Variants in TMEM156 observed in about 807,000 individuals in gnomAD.
TMEM156 encodes the protein transmembrane protein 156.
In TMEM156, 28 loss-of-function variants were observed where a neutral mutation model predicts 30.5. That is an observed-to-expected ratio of 0.92 (90% CI 0.68 to 1.26). TMEM156 has a LOEUF of 1.26. TMEM156 is among the 50% of genes most tolerant of loss of function. The pLI is 0.00. For synonymous variants in TMEM156, 137 were observed against 119.9 expected, an observed-to-expected ratio of 1.14 and a Z score of -0.93; for missense variants, 351 against 340.6, an observed-to-expected ratio of 1.03 and a Z score of -0.24.
At chr4:38,979,130 G>C (rs1334485998) in intron 5 of TMEM156, among the ~76,000 whole-genome samples, 1 of 152,202 alleles carries the variant, frequency 6.6e-6, no homozygotes, top group Non-Finnish European at 1.5e-5. Flanking sequence ...AAACCTGTTG[G>C]TGTGAACTGC....
At chr4:39,027,849 T>C (rs112326545) in intron 1 of TMEM156, among the ~76,000 whole-genome samples, 11,065 of 149,732 alleles carry the variant, frequency 0.074, 637 homozygotes, top group South Asian at 0.26. Context: ...CTCCGCCTCC[T>C]GGATTCAAGT....
chr4:39,032,152 T>G, intron 1 of TMEM156, 74 bp downstream of exon 1: 1 of 928,920 alleles, frequency 1.1e-6, no homozygotes, highest in Non-Finnish European at 1.7e-6. Context: ...AAAGAGGATC[T>G]TTTCTGTAAC....
At chr4:39,003,934 T>C (rs1456621331) in intron 1 of TMEM156, among the ~76,000 whole-genome samples, 1 of 152,200 alleles carries the variant, frequency 6.6e-6, no homozygotes, top group East Asian at 1.9e-4. Context: ...CTTTCTAGAA[T>C]TGATGACAGA....
At chr4:38,974,166 A>G (rs1272523861) in intron 5 of TMEM156, among the ~76,000 whole-genome samples, 2 of 150,730 alleles carry the variant, frequency 1.3e-5, no homozygotes, top group African/African-American at 4.9e-5. Context: ...ATACACAAGT[A>G]AGATTTCTCA....
At chr4:38,970,081 G>A (rs1267345275) in intron 6 of TMEM156, among the ~76,000 whole-genome samples, 2 of 152,074 alleles carry the variant, frequency 1.3e-5, no homozygotes, top group Non-Finnish European at 2.9e-5. Flanking sequence ...CCAGGCTATA[G>A]TGTCCCTTGA....
At chr4:38,994,192 A>G (rs1015595836) in intron 2 of TMEM156, among the ~76,000 whole-genome samples, 194 bp from the exon 3 acceptor site, 3 of 152,092 alleles carry the variant, frequency 2.0e-5, no homozygotes, top group African/African-American at 7.2e-5. Flanking sequence ...TGGCGTAATC[A>G]TGGCTCACTG....
intron 5 of TMEM156, among the ~76,000 whole-genome samples, chr4:38,980,283 C>G (rs1278195309): frequency 6.6e-6 from 1 of 150,996 alleles, no homozygotes; most frequent in African/African-American, 2.4e-5. Context: ...ATCTTTAATA[C>G]TCCAAAGGAT....
At position 38,994,122 on chromosome 4, in the gene TMEM156, T is replaced by TA. The variant is rs575031197; in HGVS notation, c.359-125dup. ...AGTAGAAACAAGAAGTTTCCTACACTAAAAATATATACATATTTTTGAGAC... is the reference window on the plus strand; with the variant it reads ...AGTAGAAACAAGAAGTTTCCTACACTAAAAAATATATACATATTTTTGAGAC... On this transcript the variant is annotated intron_variant, in intron 2 of 6. Coordinates refer to ENST00000381938, the MANE Select transcript of TMEM156 (RefSeq NM_024943.3). 2.3e-3 allele frequency: 1,935 copies of TA among 830,948 alleles called. 6 individuals are homozygous for TA. The highest frequency in any genetic ancestry group is 2.6e-3 in the Non-Finnish European group (1,441 of 544,380). 51.5% of individuals were successfully genotyped at this position (830,948 alleles called of 1,614,324 possible). A position where few individuals can be genotyped will look rare whatever the true frequency, so the allele number is the denominator to read the frequency against.
At chr4:39,028,229 GGA>G in intron 1 of TMEM156, 1 of 152,036 alleles carries the variant, frequency 6.6e-6, no homozygotes, top group Non-Finnish European at 1.5e-5. Context: ...CAAATCACTG[GGA>G]GTACACTTGT....
intron 5 of TMEM156, among the ~76,000 whole-genome samples, chr4:38,977,722 C>A (rs1722934858): frequency 6.6e-6 from 1 of 152,188 alleles, no homozygotes; most frequent in Non-Finnish European, 1.5e-5. Context: ...TCTATGACTT[C>A]TTTTCAGAAA....
At chr4:39,023,402 T>C (rs1028376716) in intron 1 of TMEM156, among the ~76,000 whole-genome samples, 1 of 152,210 alleles carries the variant, frequency 6.6e-6, no homozygotes, top group African/African-American at 2.4e-5. Context: ...CATAGCAGCA[T>C]ATTTATAATA....
intron 3 of TMEM156, among the ~76,000 whole-genome samples, chr4:38,989,313 C>G (rs1372610321): frequency 6.6e-6 from 1 of 152,180 alleles, no homozygotes; most frequent in Non-Finnish European, 1.5e-5. Flanking sequence ...GAACCACTTA[C>G]AATTCATAAT....
At chr4:38,985,648 A>C (rs1185519113) in intron 5 of TMEM156, among the ~76,000 whole-genome samples, 1 of 152,182 alleles carries the variant, frequency 6.6e-6, no homozygotes, top group Non-Finnish European at 1.5e-5. Flanking sequence ...GGCTGTGTAC[A>C]AGGAGCTTTG....
chr4:38,995,520 T>A (rs999933296), intron 2 of TMEM156, among the ~76,000 whole-genome samples: 9 of 152,096 alleles, frequency 5.9e-5, no homozygotes, highest in African/African-American at 2.2e-4. Context: ...ACTGAGATCA[T>A]CCTGAGCAAC....
chr4:38,993,767 A>G lies in TMEM156; in HGVS notation c.590T>C (p.Ile197Thr). Residue 197 changes from isoleucine (I) to threonine (T), a missense_variant, in exon 3 of 7, where the codon ATT becomes ACT. Transcript: ENST00000381938. ...TATATCCATCTCTAGGTGCAAAGAA[A>G]TGTGTATACAATCATTCGGGTATTC... is the stretch of plus-strand genomic sequence containing the variant. ...IMEYPNDCIH[I>T]SLHLEMDIKN... 1 of 1,613,440 alleles carries G rather than the reference A, an allele frequency of 6.2e-7. No homozygotes were observed. The highest frequency in any genetic ancestry group is 8.5e-7 in the Non-Finnish European group (1 of 1,179,436).
intron 1 of TMEM156, among the ~76,000 whole-genome samples, chr4:39,028,180 A>C (rs1016388398): frequency 6.6e-6 from 1 of 152,168 alleles, no homozygotes; most frequent in African/African-American, 2.4e-5. Flanking sequence ...GAGCCACTGC[A>C]CCCAGCCTCA....
intron 1 of TMEM156, among the ~76,000 whole-genome samples, chr4:39,011,240 T>TA (rs1234278456): frequency 6.6e-6 from 1 of 152,186 alleles, no homozygotes; most frequent in East Asian, 1.9e-4. Context: ...GACTATTATT[T>TA]AAAAAATCAC....
intron 5 of TMEM156, among the ~76,000 whole-genome samples, chr4:38,979,863 T>A (rs1723089715): frequency 6.6e-6 from 1 of 152,210 alleles, no homozygotes; most frequent in Non-Finnish European, 1.5e-5. Context: ...CAAAAAACCT[T>A]CCAGTCTTAA....
At chr4:39,015,966 A>G (rs1296414144) in intron 1 of TMEM156, among the ~76,000 whole-genome samples, 2 of 152,202 alleles carry the variant, frequency 1.3e-5, no homozygotes, top group Non-Finnish European at 2.9e-5. Context: ...CTGTGAGTCC[A>G]TTAAACCTCT....
Sources: gnomAD v4.1 joint callset for allele counts (sites outside exome capture counted in the v4.1 genomes callset) on GRCh38, gnomAD v4.1.1 for gene constraint, MANE v1.5 for transcripts, NCBI Gene and HGNC (gene_info 2026-07-23, HGNC 2026-07-21) for gene names.